The following HPSE2 variants were observed in gnomAD, a reference collection of about 807,000 sequenced individuals.
The protein encoded by HPSE2 is inactive heparanase-2.
Under a neutral mutation model 60.5 loss-of-function variants are expected in HPSE2, and 38 were observed. The ratio of observed to expected loss-of-function variants is 0.63; its 90% CI spans 0.48 to 0.82. HPSE2 has a LOEUF of 0.82. HPSE2 is among the 40% of genes least tolerant of loss of function. The pLI is 0.00. For missense variants in HPSE2, 713 were observed against 740.4 expected (o/e 0.96, Z 0.43); for synonymous variants, 295 against 293.2 (o/e 1.01, Z -0.06).
chr10:98,666,120 A>T (rs1323248786), intron 6 of HPSE2, among the ~76,000 whole-genome samples: 1 of 152,300 alleles, frequency 6.6e-6, no homozygotes, highest in East Asian at 1.9e-4. Flanking sequence ...GCAAAAAAGA[A>T]CAGGAGTAGC....
the HPSE2 span, among the ~76,000 whole-genome samples, chr10:99,296,255 A>C: frequency 6.6e-6 from 1 of 152,174 alleles, no homozygotes; most frequent in Non-Finnish European, 1.5e-5. Flanking sequence ...TGGATATGAG[A>C]TAGGAGGTGA....
At chr10:98,818,205 T>C (rs1418107927) in intron 3 of HPSE2, among the ~76,000 whole-genome samples, 16 of 152,188 alleles carry the variant, frequency 1.1e-4, no homozygotes. Flanking sequence ...CAATGTTAGA[T>C]GGCAAGGCAG....
intron 4 of HPSE2, among the ~76,000 whole-genome samples, chr10:98,728,120 A>G (rs1224405853): frequency 6.6e-6 from 1 of 152,222 alleles, no homozygotes; most frequent in Non-Finnish European, 1.5e-5. Flanking sequence ...GAAATAAAAG[A>G]CATAAATAAA....
chr10:99,193,148 G>A (rs910977612), intron 2 of HPSE2, among the ~76,000 whole-genome samples: 2 of 152,078 alleles, frequency 1.3e-5, no homozygotes, highest in African/African-American at 4.8e-5. Context: ...TAAAAGCAGA[G>A]GGGAAAGAGT....
intron 2 of HPSE2, among the ~76,000 whole-genome samples, chr10:99,145,266 C>T (rs1846008031): frequency 6.6e-6 from 1 of 152,034 alleles, no homozygotes; most frequent in Non-Finnish European, 1.5e-5. Context: ...ACCAGTCTGA[C>T]CAATATGGTG....
chr10:99,184,522 CAAAAAAAAAAAAAAA>C (rs200059066), intron 2 of HPSE2, among the ~76,000 whole-genome samples: 6 of 60,788 alleles, frequency 9.9e-5, no homozygotes, highest in South Asian at 5.1e-4. Flanking sequence ...GAGACTGTCT[CAAAAAAAAAAAAAAA>C]AAAAAAAAAA....
At chr10:98,540,225 T>C (rs1943415926) in intron 9 of HPSE2, among the ~76,000 whole-genome samples, 1 of 152,244 alleles carries the variant, frequency 6.6e-6, no homozygotes, top group South Asian at 2.1e-4. Context: ...AAACCACCAA[T>C]GGCAGAGCAT....
chr10:99,020,286 T>C (rs1370789098), intron 3 of HPSE2, among the ~76,000 whole-genome samples: 3 of 152,062 alleles, frequency 2.0e-5, no homozygotes, highest in Non-Finnish European at 2.9e-5. Flanking sequence ...ATATAATTCA[T>C]AAACTACTTA....
intron 5 of HPSE2, among the ~76,000 whole-genome samples, chr10:98,697,036 T>C (rs1589657871): frequency 7.1e-6 from 1 of 141,616 alleles, no homozygotes; most frequent in East Asian, 2.1e-4. Flanking sequence ...CTCATGAAGA[T>C]GAGAAAGAAG....
At chr10:99,238,532 G>A (rs963779763), upstream of HPSE2, among the ~76,000 whole-genome samples, 1 of 152,128 alleles carries the variant, frequency 6.6e-6, no homozygotes, top group Non-Finnish European at 1.5e-5. Flanking sequence ...GAAATTCTAA[G>A]TCATTCTATA....
intron 3 of HPSE2, among the ~76,000 whole-genome samples, chr10:99,039,834 G>A (rs1189634978): frequency 6.6e-6 from 1 of 152,048 alleles, no homozygotes; most frequent in Non-Finnish European, 1.5e-5. Context: ...AGAGTGAAAG[G>A]AAAGAAGTCA....
At chr10:99,101,390 G>C (rs1043905014) in intron 3 of HPSE2, among the ~76,000 whole-genome samples, 1 of 152,180 alleles carries the variant, frequency 6.6e-6, no homozygotes, top group Non-Finnish European at 1.5e-5. Flanking sequence ...AAGAGACAAA[G>C]AAGGACATTA....
intron 9 of HPSE2, among the ~76,000 whole-genome samples, chr10:98,542,363 C>A (rs552583960): frequency 2.0e-5 from 3 of 152,122 alleles, no homozygotes; most frequent in African/African-American, 7.2e-5. Flanking sequence ...GTAGATAAAA[C>A]CACAAAGATG....
chr10:99,047,962 G>A (rs1327260305), intron 3 of HPSE2: 17 of 726,974 alleles, frequency 2.3e-5, no homozygotes, highest in Non-Finnish European at 4.0e-5. Flanking sequence ...TCCGAAAGAT[G>A]TTTCCGTTTC....
chr10:99,296,418 C>T, the HPSE2 span, among the ~76,000 whole-genome samples: 1 of 152,178 alleles, frequency 6.6e-6, no homozygotes, highest in Non-Finnish European at 1.5e-5. Context: ...CCCCTTTCTG[C>T]GGAAATGACT....
At chr10:98,714,059 T>C (rs1356912481) in intron 5 of HPSE2, among the ~76,000 whole-genome samples, 1 of 151,978 alleles carries the variant, frequency 6.6e-6, no homozygotes, top group Non-Finnish European at 1.5e-5. Flanking sequence ...TTTCTTGTTT[T>C]GGGATCTGGC....
chr10:98,535,972 T>TTGA (rs151271803), intron 9 of HPSE2, among the ~76,000 whole-genome samples: 7,878 of 152,246 alleles, frequency 0.052, 263 homozygotes, highest in South Asian at 0.12. Context: ...TACTGCCAAG[T>TTGA]TGACACAGCT....
chr10:98,641,944 G>C lies in HPSE2; in HGVS notation c.1005-4C>G. 6.2e-7 allele frequency: 1 copy of C among 1,607,882 alleles called. No homozygotes were observed. The highest frequency in any genetic ancestry group is 8.5e-7 in the Non-Finnish European group (1 of 1,174,988). On this transcript the variant is annotated splice_polypyrimidine_tract_variant and splice_region_variant and intron_variant, in intron 6 of 11. Transcript: ENST00000370552. ...CACCCGGCCATCAATGTAGCAACTGGAATAAAAATAAAATAAGAATCAGAT... is the reference window on the plus strand; with the variant it reads ...CACCCGGCCATCAATGTAGCAACTGCAATAAAAATAAAATAAGAATCAGAT...
intron 3 of HPSE2, among the ~76,000 whole-genome samples, chr10:98,766,173 C>T (rs1263519537): frequency 2.6e-5 from 4 of 151,988 alleles, no homozygotes; most frequent in African/African-American, 9.7e-5. Flanking sequence ...TCAAGAATAA[C>T]GTCCATAAAA....
Sources: gnomAD v4.1 joint callset for allele counts (sites outside exome capture counted in the v4.1 genomes callset) on GRCh38, gnomAD v4.1.1 for gene constraint, MANE v1.5 for transcripts, NCBI Gene and HGNC (gene_info 2026-07-23, HGNC 2026-07-21) for gene names.